Variants in COBLL1 observed in about 807,000 individuals in gnomAD.
COBLL1 encodes the protein cordon-bleu WH2 repeat protein like 1.
COBLL1 carries 50 observed loss-of-function variants against 94.8 expected under a neutral mutation model. The observed-to-expected ratio is 0.53, with a 90% CI of 0.42 to 0.67. The LOEUF (loss-of-function observed/expected upper bound fraction) is 0.67, where lower values mean the gene tolerates loss of function less well. COBLL1 is among the 30% of genes least tolerant of loss of function. The pLI is 0.00. For missense variants in COBLL1, 1,362 were observed against 1,348.7 expected (o/e 1.01, Z -0.15); for synonymous variants, 448 against 473.8 (o/e 0.95, Z 0.71).
intron 3 of COBLL1, among the ~76,000 whole-genome samples, chr2:164,736,774 G>A (rs141059361): frequency 6.6e-6 from 1 of 152,112 alleles, no homozygotes; most frequent in East Asian, 1.9e-4. Context: ...AAAAAAAGCA[G>A]GTTACAAATA....
intron 1 of COBLL1, among the ~76,000 whole-genome samples, chr2:164,667,946 C>CTTT (rs1170450391): frequency 1.5e-5 from 2 of 132,868 alleles, no homozygotes; most frequent in Non-Finnish European, 1.6e-5. Context: ...TCTCGGCTTT[C>CTTT]TTTTTTTTTT....
chr2:164,809,224 C>T (rs866421676), intron 2 of COBLL1, among the ~76,000 whole-genome samples: 1 of 152,004 alleles, frequency 6.6e-6, no homozygotes. Flanking sequence ...AAGATATGTG[C>T]AGTTTATATA....
At chr2:164,766,137 A>C (rs1687924519) in intron 2 of COBLL1, among the ~76,000 whole-genome samples, 1 of 152,148 alleles carries the variant, frequency 6.6e-6, no homozygotes, top group African/African-American at 2.4e-5. Context: ...GTTACTTTTT[A>C]TTCCCTAATA....
At chr2:164,838,472 A>G (rs1375096801) in intron 2 of COBLL1, among the ~76,000 whole-genome samples, 1 of 152,216 alleles carries the variant, frequency 6.6e-6, no homozygotes, top group African/African-American at 2.4e-5. Flanking sequence ...TACAGAGTTA[A>G]TGGTTAAATA....
chr2:164,696,464 G>A (rs531503299), intron 11 of COBLL1: 1 of 152,244 alleles, frequency 6.6e-6, no homozygotes, highest in East Asian at 1.9e-4. Context: ...GCTGAAGGCT[G>A]TTAGAGGACT....
intron 2 of COBLL1, among the ~76,000 whole-genome samples, chr2:164,769,781 C>A (rs1188070347): frequency 6.6e-6 from 1 of 151,826 alleles, no homozygotes; most frequent in African/African-American, 2.4e-5. Context: ...TCGAGTTTTG[C>A]CACATATACC....
At chr2:164,709,568 A>G (rs1296400775) in intron 7 of COBLL1, among the ~76,000 whole-genome samples, 2 of 152,084 alleles carry the variant, frequency 1.3e-5, no homozygotes, top group African/African-American at 4.8e-5. Flanking sequence ...AAATACAGAA[A>G]TTAGCCGGGT....
chr2:164,769,796 C>A (rs369645017), intron 2 of COBLL1, among the ~76,000 whole-genome samples: 13 of 152,040 alleles, frequency 8.6e-5, no homozygotes, highest in Non-Finnish European at 7.4e-5. Flanking sequence ...TATACCCCCC[C>A]CAGAGCAAGC....
intron 2 of COBLL1, among the ~76,000 whole-genome samples, chr2:164,769,556 G>T (rs1237539265): frequency 6.6e-6 from 1 of 152,072 alleles, no homozygotes; most frequent in African/African-American, 2.4e-5. Context: ...TAATTAAAAT[G>T]AGCTCATTTA....
At chr2:164,743,935 A>G in intron 2 of COBLL1, 60 bp from the exon 3 acceptor site, 1 of 1,206,924 alleles carries the variant, frequency 8.3e-7, no homozygotes, top group Non-Finnish European at 1.1e-6. Context: ...TAACTTTTTA[A>G]TATGATGTAT....
intron 2 of COBLL1, among the ~76,000 whole-genome samples, chr2:164,822,729 ATATTATATTAT>A (rs1685227428): frequency 1.4e-5 from 1 of 69,318 alleles, no homozygotes. Flanking sequence ...TGAAAAGATT[ATATTATATTAT>A]TATTATTATT....
chr2:164,777,857 C>A (rs1688543395), intron 2 of COBLL1, among the ~76,000 whole-genome samples: 1 of 152,164 alleles, frequency 6.6e-6, no homozygotes, highest in Non-Finnish European at 1.5e-5. Context: ...AAACAAGAAT[C>A]TGTGTTAGGA....
At chr2:164,841,950 C>T, upstream of COBLL1, 1 of 1,536,006 alleles carries the variant, frequency 6.5e-7, no homozygotes, top group Non-Finnish European at 8.7e-7. This position sits in a 1 kb window ranked among gnomAD's most constrained non-coding sequence, Gnocchi z 5.5. Context: ...CCCGCTCTCT[C>T]ACTCACCCTG....
At chr2:164,691,861 C>T (rs931992790) in intron 13 of COBLL1, among the ~76,000 whole-genome samples, 3 of 152,132 alleles carry the variant, frequency 2.0e-5, no homozygotes, top group African/African-American at 7.2e-5. Context: ...TGACTACAAA[C>T]TTGTAGGTTC....
rs1207585392 is a variant in COBLL1, at chr2:164,684,054, T to C, written c.*1892A>G. 3.3e-5 allele frequency: 5 copies of C among 152,184 alleles called. No individual in the cohort carries two copies. Among genetic ancestry groups the C allele is most frequent in the African/African-American group, 4.8e-5 (2 of 41,466 alleles). The allele number at this position is 152,184 out of a possible 1,614,324, so 9.4% of individuals were successfully genotyped here. On this transcript the variant is annotated 3_prime_UTR_variant, in exon 14 of 14. Coordinates refer to ENST00000652658, the MANE Select transcript of COBLL1 (RefSeq NM_001365672.2). The stretch of plus-strand genomic sequence containing the variant: ...TTCCCACCAACAGTAGAGTTCCCAC[T>C]GTTTGATGTTCCTGACAACACTTGC...
intron 2 of COBLL1, among the ~76,000 whole-genome samples, chr2:164,777,520 G>A (rs769338941): frequency 6.6e-6 from 1 of 152,086 alleles, no homozygotes; most frequent in Non-Finnish European, 1.5e-5. Context: ...CAGCATTAAG[G>A]GAGAGTGACA....
At chr2:164,664,867 A>T (rs1234826899) in intron 2 of COBLL1, among the ~76,000 whole-genome samples, 1 of 152,204 alleles carries the variant, frequency 6.6e-6, no homozygotes, top group Non-Finnish European at 1.5e-5. Flanking sequence ...GCTGTTTAAG[A>T]GCTGGCATTG....
At chr2:164,756,029 C>T (rs892666445) in intron 2 of COBLL1, among the ~76,000 whole-genome samples, 2 of 144,442 alleles carry the variant, frequency 1.4e-5, no homozygotes, top group Non-Finnish European at 3.0e-5. Flanking sequence ...AGTATACATA[C>T]GTGCGTATAG....
rs768705913 is a variant in COBLL1 at position 164,704,984 on chromosome 2, G to C, written c.1118C>G (p.Pro373Arg). 6.3e-7 allele frequency: 1 copy of C among 1,595,916 alleles called. No individual in the cohort carries two copies. The highest frequency in any genetic ancestry group is 8.5e-7 in the Non-Finnish European group (1 of 1,173,500). Residue 373 changes from proline to arginine, a missense_variant, in exon 8 of 14, where the codon CCG (proline) becomes CGG (arginine). Transcript: ENST00000652658. ...KAPSPPSKIPPHQSDENSRVT... is the reference protein window; with the variant it reads ...KAPSPPSKIPRHQSDENSRVT... ...ACGACTATTTTCATCACTTTGATGC[G>C]GGGGTATTTTGGAGGGTGGGGAAGG...
Sources: allele counts gnomAD v4.1 joint callset (sites outside exome capture counted in the v4.1 genomes callset), GRCh38; gene constraint gnomAD v4.1.1; non-coding constraint Gnocchi (gnomAD v3.1); transcripts MANE v1.5; gene names NCBI Gene and HGNC (gene_info 2026-07-23, HGNC 2026-07-21).